Variants in RBFOX1 observed in about 807,000 individuals in gnomAD.
The protein encoded by RBFOX1 is RNA binding protein fox-1 homolog 1.
Under a neutral mutation model 57.7 loss-of-function variants are expected in RBFOX1, and 8 were observed. The ratio of observed to expected loss-of-function variants is 0.14; its 90% CI spans 0.08 to 0.25. The LOEUF is 0.25. Ranked by LOEUF, RBFOX1 falls within the 10% of genes least tolerant of loss-of-function variation. The probability of loss-of-function intolerance (pLI) is 1.00; values close to 1 mark genes in which losing one functional copy is unlikely to be tolerated. For missense variants in RBFOX1, 611 were observed against 548.5 expected, an observed-to-expected ratio of 1.11 and a Z score of -1.14; for synonymous variants, 326 against 222.4, an observed-to-expected ratio of 1.47 and a Z score of -4.15.
At chr16:6,382,951 T>C (rs1379137569) in intron 2 of RBFOX1, among the ~76,000 whole-genome samples, 1 of 152,198 alleles carries the variant, frequency 6.6e-6, no homozygotes, top group Non-Finnish European at 1.5e-5. Context: ...CAGGAAGCTC[T>C]AAATCCTGAC....
At chr16:6,800,177 A>G (rs2154256047) in intron 3 of RBFOX1, among the ~76,000 whole-genome samples, 1 of 152,200 alleles carries the variant, frequency 6.6e-6, no homozygotes, top group Admixed American at 6.5e-5. Context: ...AGTTTTGATC[A>G]ACAGGGTATT....
At chr16:5,591,589 T>C (rs1388552666) in intron 2 of RBFOX1, among the ~76,000 whole-genome samples, 1 of 152,222 alleles carries the variant, frequency 6.6e-6, no homozygotes, top group African/African-American at 2.4e-5. Context: ...TTCTTCTCTG[T>C]CTTCTGAAGA....
At chr16:6,652,471 G>A (rs961878140) in intron 2 of RBFOX1, among the ~76,000 whole-genome samples, 1 of 151,806 alleles carries the variant, frequency 6.6e-6, no homozygotes, top group Non-Finnish European at 1.5e-5. Context: ...AAAGCCATGG[G>A]TCTGTCTCCC....
At chr16:5,578,841 A>ACACACC (rs1488617272) in intron 2 of RBFOX1, among the ~76,000 whole-genome samples, 17 of 89,652 alleles carry the variant, frequency 1.9e-4, no homozygotes, top group African/African-American at 5.9e-4. Flanking sequence ...ACACACACAC[A>ACACACC]CCCTTTTTTT....
At position 7,437,897 on chromosome 16, in the gene RBFOX1, A is replaced by G. The variant is rs182359410; in HGVS notation, c.28-80250A>G. ...AAAAATGAATATAGGGTCATATTAGACAAATTGCTTAAAAAAAAAAAAAGC... is the reference window on the plus strand; with the variant it reads ...AAAAATGAATATAGGGTCATATTAGGCAAATTGCTTAAAAAAAAAAAAAGC... On this transcript the variant is annotated intron_variant, in intron 4 of 15. Transcript: ENST00000550418. Among the ~76,000 whole-genome samples, 22 of 142,296 alleles carry G rather than the reference A, an allele frequency of 1.5e-4. No homozygotes were observed. The East Asian group carries it at 3.6e-3, about 23-fold the overall frequency. The allele number at this position is 142,296 out of a possible 152,430, so 93.4% of individuals were successfully genotyped here. A position where few individuals can be genotyped will look rare whatever the true frequency, so the allele number is the denominator to read the frequency against.
In RBFOX1 at chr16:6,138,696, T is replaced by A. The variant is rs558645442; in HGVS notation, c.-127+118704T>A. On this transcript the variant is annotated intron_variant, in intron 1 of 15. Coordinates refer to ENST00000550418, the MANE Select transcript of RBFOX1 (RefSeq NM_018723.4). The stretch of plus-strand genomic sequence containing the variant: ...TCCTGGCTAACATGGTGAAACCCCG[T>A]CTCTACTGAAAATACAAAAAATTAG... Among the ~76,000 whole-genome samples the A allele has an allele frequency of 8.1e-4, 123 of 152,106 alleles. 1 individual carries two copies. The highest frequency in any genetic ancestry group is 2.8e-3 in the African/African-American group (117 of 41,498).
At chr16:6,580,749 C>A (rs1377183810) in intron 2 of RBFOX1, among the ~76,000 whole-genome samples, 2 of 152,112 alleles carry the variant, frequency 1.3e-5, no homozygotes, top group Non-Finnish European at 2.9e-5. Flanking sequence ...GAAGTAAGTT[C>A]CCTGGCCCCA....
intron 4 of RBFOX1, among the ~76,000 whole-genome samples, chr16:7,348,932 A>T (rs984712209): frequency 6.6e-6 from 1 of 151,902 alleles, no homozygotes; most frequent in African/African-American, 2.4e-5. Context: ...ACACAGCGAG[A>T]CTCCACCTCA....
chr16:5,727,423 T>C (rs755453670), intron 3 of RBFOX1, among the ~76,000 whole-genome samples: 1 of 152,242 alleles, frequency 6.6e-6, no homozygotes, highest in South Asian at 2.1e-4. Context: ...GATGTACGTA[T>C]ATACTGTGAA....
intron 1 of RBFOX1, among the ~76,000 whole-genome samples, chr16:5,352,619 A>C (rs948488156): frequency 1.3e-5 from 2 of 152,196 alleles, no homozygotes; most frequent in Admixed American, 1.3e-4. Flanking sequence ...ACCAAAATGT[A>C]ATGAGCACAC....
intron 2 of RBFOX1, among the ~76,000 whole-genome samples, chr16:5,478,578 C>T (rs772184464): frequency 7.9e-5 from 12 of 152,242 alleles, no homozygotes; most frequent in African/African-American, 2.4e-4. Context: ...GGATTAGAAG[C>T]GCTAACAAAT....
chr16:7,236,069 G>T (rs1391362700), intron 4 of RBFOX1, among the ~76,000 whole-genome samples: 1 of 152,144 alleles, frequency 6.6e-6, no homozygotes, highest in Non-Finnish European at 1.5e-5. Context: ...CCTGGTTATT[G>T]TCTATCTGGA....
chr16:6,682,013 A>T lies in RBFOX1; in HGVS notation c.-16+27363A>T, dbSNP rs149841161. Among the ~76,000 whole-genome samples, 252 of 152,298 alleles carry T rather than the reference A, an allele frequency of 1.7e-3. No individual in the cohort carries two copies. The East Asian group carries it at 0.028, about 17-fold the overall frequency. On this transcript the variant is annotated intron_variant, in intron 3 of 15. Coordinates refer to ENST00000550418, the MANE Select transcript of RBFOX1 (RefSeq NM_018723.4). Reference sequence around the variant, plus strand: ...AATCTTGAAGTTATCTCAGAAGGATACACCCTTACTCCTGACTGAGAACTC... The same window carrying T: ...AATCTTGAAGTTATCTCAGAAGGATTCACCCTTACTCCTGACTGAGAACTC...
intron 3 of RBFOX1, among the ~76,000 whole-genome samples, chr16:6,779,546 C>A (rs115925741): frequency 0.019 from 2,910 of 150,430 alleles, 113 homozygotes; most frequent in African/African-American, 0.067. Context: ...AGTGAGACTG[C>A]TAAATTATGT....
intron 2 of RBFOX1, among the ~76,000 whole-genome samples, chr16:6,408,174 A>G (rs1308557943): frequency 2.6e-5 from 4 of 152,146 alleles, no homozygotes; most frequent in African/African-American, 4.8e-5. Flanking sequence ...TCTGTTGTTA[A>G]TAAGCCACTG....
At chr16:6,451,128 A>T (rs1053610021) in intron 2 of RBFOX1, among the ~76,000 whole-genome samples, 2 of 151,320 alleles carry the variant, frequency 1.3e-5, no homozygotes, top group Non-Finnish European at 1.5e-5. Context: ...TTTCAATTCA[A>T]CACAGTATTC....
intron 1 of RBFOX1, among the ~76,000 whole-genome samples, chr16:6,292,451 TAA>T (rs1430636323): frequency 6.6e-6 from 1 of 151,950 alleles, no homozygotes. Context: ...ACCAAGAAAT[TAA>T]AGTTCTTCAA....
chr16:5,985,182 C>T (rs539610873), intron 4 of RBFOX1, among the ~76,000 whole-genome samples: 76 of 150,924 alleles, frequency 5.0e-4, no homozygotes, highest in African/African-American at 1.6e-3. Flanking sequence ...TTAGTAGAGG[C>T]GGGGTTTCAC....
At chr16:6,125,101 A>G (rs576078127) in intron 1 of RBFOX1, among the ~76,000 whole-genome samples, 135 of 152,250 alleles carry the variant, frequency 8.9e-4, no homozygotes, top group Middle Eastern at 3.4e-3. Flanking sequence ...CCACTGCTGG[A>G]TGATGACTTG....
Sources: allele counts gnomAD v4.1 joint callset (sites outside exome capture counted in the v4.1 genomes callset), GRCh38; gene constraint gnomAD v4.1.1; transcripts MANE v1.5; gene names NCBI Gene and HGNC (gene_info 2026-07-23, HGNC 2026-07-21).